Variants in LRRC4C observed in about 807,000 individuals in gnomAD.
LRRC4C encodes the protein leucine rich repeat containing 4C, also known as leucine-rich repeat-containing protein 4C.
LRRC4C carries 5 observed loss-of-function variants against 33.6 expected under a neutral mutation model. That is an observed-to-expected ratio of 0.15 (90% CI 0.08 to 0.31). The LOEUF (loss-of-function observed/expected upper bound fraction) is 0.31. Among genes scored for constraint, LRRC4C ranks in the 10% least tolerant of loss-of-function variants. The pLI is 1.00. For synonymous variants in LRRC4C, 329 were observed against 302.0 expected, an observed-to-expected ratio of 1.09 and a Z score of -0.93; for missense variants, 560 against 796.7, an observed-to-expected ratio of 0.70 and a Z score of 3.58.
At chr11:41,236,679 C>T (rs1364720522) in intron 1 of LRRC4C, among the ~76,000 whole-genome samples, 1 of 151,902 alleles carries the variant, frequency 6.6e-6, no homozygotes. Context: ...TCTTCCTATG[C>T]TTATTTCTTC....
chr11:40,981,989 T>A (rs1477275391), intron 1 of LRRC4C, among the ~76,000 whole-genome samples: 7 of 152,142 alleles, frequency 4.6e-5, no homozygotes, highest in Non-Finnish European at 8.8e-5. Context: ...TCCCTCAAGA[T>A]CCTAGAAGAT....
At chr11:41,040,624 G>A (rs1050794910) in intron 1 of LRRC4C, among the ~76,000 whole-genome samples, 1 of 152,114 alleles carries the variant, frequency 6.6e-6, no homozygotes, top group African/African-American at 2.4e-5. Context: ...CAAGAAAAAG[G>A]ACTTCAAATA....
intron 3 of LRRC4C, among the ~76,000 whole-genome samples, chr11:40,466,551 C>G (rs987002512): frequency 1.3e-5 from 2 of 151,634 alleles, no homozygotes; most frequent in African/African-American, 4.8e-5. Context: ...ATTATGTATA[C>G]TTTTTCCTTT....
chr11:40,416,578 A>G (rs1950332105), intron 3 of LRRC4C, among the ~76,000 whole-genome samples: 1 of 152,146 alleles, frequency 6.6e-6, no homozygotes, highest in Non-Finnish European at 1.5e-5. Flanking sequence ...AATGAGTGAA[A>G]CTGGAATACT....
intron 1 of LRRC4C, among the ~76,000 whole-genome samples, chr11:41,271,829 C>G (rs1949330719): frequency 6.6e-6 from 1 of 152,040 alleles, no homozygotes; most frequent in African/African-American, 2.4e-5. Context: ...ATCATCATGT[C>G]TCAAAGGAAA....
chr11:41,372,418 G>A (rs1236444959), intron 1 of LRRC4C, among the ~76,000 whole-genome samples: 2 of 152,112 alleles, frequency 1.3e-5, no homozygotes, highest in African/African-American at 4.8e-5. Context: ...AGTTAGACAG[G>A]TTTCGTAGCA....
chr11:40,808,468 T>C (rs968840275), intron 2 of LRRC4C, among the ~76,000 whole-genome samples: 15 of 152,296 alleles, frequency 9.8e-5, no homozygotes, highest in East Asian at 3.9e-4. Context: ...AGTAATTCAA[T>C]TGTAGCACTT....
intron 1 of LRRC4C, among the ~76,000 whole-genome samples, chr11:41,038,606 G>A (rs1319919054): frequency 6.6e-6 from 1 of 152,152 alleles, no homozygotes; most frequent in Non-Finnish European, 1.5e-5. Flanking sequence ...ATCAAAAATA[G>A]AATATTTAAG....
chr11:41,328,220 G>T (rs1360986563), intron 1 of LRRC4C, among the ~76,000 whole-genome samples: 1 of 152,084 alleles, frequency 6.6e-6, no homozygotes, highest in Non-Finnish European at 1.5e-5. Flanking sequence ...ATCTCTATAG[G>T]CATGTGTGGA....
chr11:40,121,923 T>G (rs1310767370), intron 6 of LRRC4C, among the ~76,000 whole-genome samples: 1 of 152,178 alleles, frequency 6.6e-6, no homozygotes, highest in Admixed American at 6.5e-5. Context: ...TGCTTACCCC[T>G]GGACCCTAAG....
At chr11:40,475,087 C>G (rs1369924646) in intron 3 of LRRC4C, among the ~76,000 whole-genome samples, 1 of 152,160 alleles carries the variant, frequency 6.6e-6, no homozygotes, top group Non-Finnish European at 1.5e-5. Flanking sequence ...TTTGATCCAG[C>G]AATCCCTTTA....
intron 5 of LRRC4C, among the ~76,000 whole-genome samples, chr11:40,228,105 G>A (rs1204823033): frequency 2.0e-5 from 3 of 152,260 alleles, no homozygotes; most frequent in East Asian, 3.9e-4. Flanking sequence ...TTCTCTTTCT[G>A]TTACCTCCTA....
intron 2 of LRRC4C, among the ~76,000 whole-genome samples, chr11:40,687,147 CTCAAG>C (rs1945001087): frequency 6.6e-6 from 1 of 152,058 alleles, no homozygotes; most frequent in African/African-American, 2.4e-5. Context: ...TTAAGGCTCT[CTCAAG>C]TGCAACAGTT....
chr11:41,412,995 T>A (rs1222760579), intron 1 of LRRC4C, among the ~76,000 whole-genome samples: 1 of 152,212 alleles, frequency 6.6e-6, no homozygotes, highest in African/African-American at 2.4e-5. Flanking sequence ...CTTTTCTTTT[T>A]CAAATTTATT....
intron 4 of LRRC4C, among the ~76,000 whole-genome samples, chr11:40,295,154 C>T (rs1408119828): frequency 6.6e-6 from 1 of 152,236 alleles, no homozygotes; most frequent in Non-Finnish European, 1.5e-5. Flanking sequence ...AGGGACTGGG[C>T]CAACAAAATA....
intron 5 of LRRC4C, among the ~76,000 whole-genome samples, chr11:40,159,182 G>A (rs1226435615): frequency 6.6e-6 from 1 of 152,084 alleles, no homozygotes; most frequent in Non-Finnish European, 1.5e-5. Flanking sequence ...TTAACTGCTT[G>A]GAGAATCCTT....
At chr11:40,940,138 C>T (rs1467565494) in intron 1 of LRRC4C, among the ~76,000 whole-genome samples, 1 of 152,052 alleles carries the variant, frequency 6.6e-6, no homozygotes, top group African/African-American at 2.4e-5. Flanking sequence ...ACAGTGTCAT[C>T]CCTTTTTACT....
rs866687870 is a variant in LRRC4C, at chr11:41,173,258, G to A, written c.-495-239535C>T. Among the ~76,000 whole-genome samples, 16 of 152,210 alleles carry A rather than the reference G, an allele frequency of 1.1e-4. 1 individual carries two copies. Among genetic ancestry groups the A allele is most frequent in the Middle Eastern group, 6.8e-3 (2 of 294 alleles). Reference sequence around the variant, plus strand: ...TATGATTGTCTAGGACTAACCCGCAGCTCTTTGTAGACTAGCTAACATGAA... The same window carrying A: ...TATGATTGTCTAGGACTAACCCGCAACTCTTTGTAGACTAGCTAACATGAA... On this transcript the variant is annotated intron_variant, in intron 1 of 6. Transcript: ENST00000528697.
chr11:41,224,697 T>C (rs1947453807), intron 1 of LRRC4C, among the ~76,000 whole-genome samples: 1 of 152,240 alleles, frequency 6.6e-6, no homozygotes, highest in Non-Finnish European at 1.5e-5. Context: ...AACGTACTCA[T>C]TAGCCTATGG....
Sources: allele counts gnomAD v4.1 joint callset (sites outside exome capture counted in the v4.1 genomes callset), GRCh38; gene constraint gnomAD v4.1.1; transcripts MANE v1.5; gene names NCBI Gene and HGNC (gene_info 2026-07-23, HGNC 2026-07-21).